The following PCDHGA10 variants were observed in gnomAD, a reference collection of about 807,000 sequenced individuals.
PCDHGA10 encodes the protein protocadherin gamma subfamily A, 10, also known as protocadherin gamma-A10.
Under a neutral mutation model 59.5 loss-of-function variants are expected in PCDHGA10, and 42 were observed. The observed-to-expected ratio is 0.71, with a 90% CI of 0.55 to 0.91. The LOEUF is 0.91. Among genes scored for constraint, PCDHGA10 ranks in the 40% least tolerant of loss-of-function variants. The probability of loss-of-function intolerance (pLI) is 0.00; values close to 1 mark genes in which losing one functional copy is unlikely to be tolerated. For missense variants in PCDHGA10, 1,111 were observed against 1,198.2 expected, an observed-to-expected ratio of 0.93 and a Z score of 1.07; for synonymous variants, 511 against 517.2, an observed-to-expected ratio of 0.99 and a Z score of 0.16.
intron 1 of PCDHGA10, among the ~76,000 whole-genome samples, chr5:141,483,945 ATTGTG>A (rs2099589210): frequency 8.3e-6 from 1 of 120,394 alleles, no homozygotes; most frequent in Non-Finnish European, 1.6e-5. Context: ...TACGGTGTGA[ATTGTG>A]TTGTGTTTCT....
At chr5:141,455,330 G>T (rs2098819667) in intron 1 of PCDHGA10, among the ~76,000 whole-genome samples, 1 of 152,042 alleles carries the variant, frequency 6.6e-6, no homozygotes, top group South Asian at 2.1e-4. Context: ...GTGTGTTTGT[G>T]GTTTTAAGGA....
intron 1 of PCDHGA10, among the ~76,000 whole-genome samples, chr5:141,450,832 T>TTATTA (rs764784095): frequency 5.6e-5 from 8 of 142,316 alleles, no homozygotes; most frequent in African/African-American, 2.2e-4. Context: ...TATTATTATT[T>TTATTA]TTTTTTTTTT....
rs1467738404 is a variant in PCDHGA10 at position 141,430,698 on chromosome 5, G to A, written c.2436+15087G>A. On this transcript the variant is annotated intron_variant, in intron 1 of 3. Coordinates refer to ENST00000398610, the MANE Select transcript of PCDHGA10 (RefSeq NM_018913.3). The stretch of plus-strand genomic sequence containing the variant: ...CAACTGTCCCATTCTATGGGCGAAG[G>A]AACTGCTCCTGACTTCAGTGGTTAA... 4.1e-6 allele frequency: 6 copies of A among 1,451,686 alleles called. No homozygotes were observed. The South Asian group carries it at 7.8e-5, about 19-fold the overall frequency. The allele number at this position is 1,451,686 out of a possible 1,614,324, so 89.9% of individuals were successfully genotyped here.
At chr5:141,509,106 A>T (rs1159119530) in intron 3 of PCDHGA10, among the ~76,000 whole-genome samples, 1 of 152,102 alleles carries the variant, frequency 6.6e-6, no homozygotes, top group Non-Finnish European at 1.5e-5. Flanking sequence ...TAGAAACCTG[A>T]GCGCTGGTGC....
At position 141,491,872 on chromosome 5, in the gene PCDHGA10, G is replaced by A; in HGVS notation, c.2437-2935G>A. On this transcript the variant is annotated intron_variant, in intron 1 of 3. Transcript: ENST00000398610. The surrounding 1 kb of genome is among the most constrained non-coding windows in gnomAD (Gnocchi z 6.9). ...CCGTTTGCGCGAAACCAGAGTGGCCGATTAAGGGATGGGGCTCCGAGCACC... is the reference window on the plus strand; with the variant it reads ...CCGTTTGCGCGAAACCAGAGTGGCCAATTAAGGGATGGGGCTCCGAGCACC... 6.9e-7 allele frequency: 1 copy of A among 1,452,190 alleles called. No individual in the cohort carries two copies. The highest frequency in any genetic ancestry group is 9.1e-7 in the Non-Finnish European group (1 of 1,098,644). The allele number at this position is 1,452,190 out of a possible 1,614,324, so 90.0% of individuals were successfully genotyped here.
intron 1 of PCDHGA10, chr5:141,424,599 GATTT>G (rs1016470290): frequency 3.9e-5 from 6 of 152,170 alleles, no homozygotes; most frequent in Non-Finnish European, 8.8e-5. Flanking sequence ...GATGTCTACA[GATTT>G]ATTCAAATAG....
chr5:141,478,302 C>T lies in PCDHGA10; in HGVS notation c.2437-16505C>T. On this transcript the variant is annotated intron_variant, in intron 1 of 3. Transcript: ENST00000398610. ...AAGCAGTCTAGAGACCTATACCGAG[C>T]CCCGGTGAGCTCACTGTACCGAACA... 4 of 1,614,070 alleles carry T rather than the reference C, an allele frequency of 2.5e-6. No individual in the cohort carries two copies. Among genetic ancestry groups the T allele is most frequent in the Non-Finnish European group, 3.4e-6 (4 of 1,180,038 alleles).
intron 1 of PCDHGA10, chr5:141,415,943 T>A: frequency 1.8e-6 from 1 of 552,806 alleles, no homozygotes; most frequent in Non-Finnish European, 2.7e-6. Flanking sequence ...TCCTCCTGGG[T>A]GGTCACATAT....
chr5:141,420,934 C>T, intron 1 of PCDHGA10: 1 of 377,936 alleles, frequency 2.6e-6, no homozygotes, highest in South Asian at 5.3e-5. Context: ...TGAGCGTAAT[C>T]ATTTCTTCTG....
At position 141,419,312 on chromosome 5, in the gene PCDHGA10, G is replaced by C. The variant is rs35892780; in HGVS notation, c.2436+3701G>C. On this transcript the variant is annotated intron_variant, in intron 1 of 3. Transcript: ENST00000398610. ...CTCTGACCCAGACTTCGGGCTCAAC[G>C]GCCGTGTCTCCTACTCTCTCATTGC... 1.0e-3 allele frequency: 1,689 copies of C among 1,613,962 alleles called. 4 individuals are homozygous for C. Among genetic ancestry groups the C allele is most frequent in the Middle Eastern group, 5.3e-3 (32 of 6,062 alleles).
Position 141,432,148 on chromosome 5 carries a change from G to C in PCDHGA10, c.2436+16537G>C. ...CCTCCTATTCCGCTTATATCCCAGA[G>C]AACAATCCCAGAGGAGTTTCCCTCG... On this transcript the variant is annotated intron_variant, in intron 1 of 3. Coordinates refer to ENST00000398610, the MANE Select transcript of PCDHGA10 (RefSeq NM_018913.3). The surrounding 1 kb of genome is among the most constrained non-coding windows in gnomAD (Gnocchi z 6.0). 6.2e-7 allele frequency: 1 copy of C among 1,614,002 alleles called. No individual in the cohort carries two copies. Among genetic ancestry groups the C allele is most frequent in the East Asian group, 2.2e-5 (1 of 44,876 alleles).
chr5:141,499,275 C>T (rs1259707742), intron 2 of PCDHGA10, among the ~76,000 whole-genome samples: 1 of 152,178 alleles, frequency 6.6e-6, no homozygotes, highest in African/African-American at 2.4e-5. Flanking sequence ...CTAGACTGTT[C>T]TCTGATGGCT....
intron 1 of PCDHGA10, chr5:141,422,710 G>T: frequency 6.2e-7 from 1 of 1,603,486 alleles, no homozygotes; most frequent in African/African-American, 1.3e-5. Context: ...TCTGACGGAT[G>T]ACACTGTCCA....
chr5:141,421,397 C>T, intron 1 of PCDHGA10: 1 of 1,614,030 alleles, frequency 6.2e-7, no homozygotes, highest in Non-Finnish European at 8.5e-7. Context: ...GGGCTGGAGC[C>T]CCGGGAGCTG....
In PCDHGA10 at chr5:141,489,053, G is replaced by C; in HGVS notation, c.2437-5754G>C. 1 of 473,650 alleles carries C rather than the reference G, an allele frequency of 2.1e-6. No homozygotes were observed. Among genetic ancestry groups the C allele is most frequent in the Non-Finnish European group, 3.7e-6 (1 of 270,732 alleles). The allele number at this position is 473,650 out of a possible 1,614,324, so 29.3% of individuals were successfully genotyped here. A position where few individuals can be genotyped will look rare whatever the true frequency, so the allele number is the denominator to read the frequency against. On this transcript the variant is annotated intron_variant, in intron 1 of 3. Transcript: ENST00000398610. The surrounding 1 kb of genome is among the most constrained non-coding windows in gnomAD (Gnocchi z 4.5). ...AGCTCCCCAGCTCCACTCAAATTCA[G>C]CTCCCCTCCCCCCTGCCCACCCCCG...
chr5:141,512,866 AC>A lies in PCDHGA10; in HGVS notation c.*1694del. Reference sequence around the variant, plus strand: ...TATAAGCGCTTCTCTTCGCATAGTCACGTAGCTCCCACCCCACCCTCTTCCT... The same window carrying A: ...TATAAGCGCTTCTCTTCGCATAGTCAGTAGCTCCCACCCCACCCTCTTCCT... On this transcript the variant is annotated 3_prime_UTR_variant, in exon 4 of 4. Transcript: ENST00000398610. 1 of 152,098 alleles carries A rather than the reference AC, an allele frequency of 6.6e-6. No homozygotes were observed. Among genetic ancestry groups the A allele is most frequent in the Non-Finnish European group, 1.5e-5 (1 of 68,034 alleles). 9.4% of individuals were successfully genotyped at this position (152,098 alleles called of 1,614,324 possible).
intron 1 of PCDHGA10, chr5:141,428,653 T>A (rs952656382): frequency 1.8e-5 from 3 of 167,524 alleles, no homozygotes; most frequent in Admixed American, 1.1e-4. Flanking sequence ...TCACGTGAGT[T>A]CCAATGAATG....
chr5:141,420,492 TC>T (rs1172385190), intron 1 of PCDHGA10: 8 of 508,012 alleles, frequency 1.6e-5, no homozygotes, highest in Non-Finnish European at 1.8e-5. Flanking sequence ...ATGGGTAATC[TC>T]CGGTGACATT....
At chr5:141,499,399 C>A (rs2099791676) in intron 2 of PCDHGA10, among the ~76,000 whole-genome samples, 1 of 152,072 alleles carries the variant, frequency 6.6e-6, no homozygotes, top group Non-Finnish European at 1.5e-5. Flanking sequence ...ATAGTACATG[C>A]TCATTATAGA....
Sources: gnomAD v4.1 joint callset for allele counts (sites outside exome capture counted in the v4.1 genomes callset) on GRCh38, gnomAD v4.1.1 for gene constraint, Gnocchi (gnomAD v3.1) non-coding constraint, MANE v1.5 for transcripts, NCBI Gene and HGNC (gene_info 2026-07-23, HGNC 2026-07-21) for gene names.